The following AP2B1 variants were observed in gnomAD, a reference collection of about 807,000 sequenced individuals.
AP2B1 encodes the protein adaptor related protein complex 2 subunit beta 1.
AP2B1 carries 23 observed loss-of-function variants against 102.0 expected under a neutral mutation model. The ratio of observed to expected loss-of-function variants is 0.23; its 90% CI spans 0.16 to 0.32. AP2B1 has a LOEUF of 0.32. Among genes scored for constraint, AP2B1 ranks in the 10% least tolerant of loss-of-function variants. The pLI is 1.00. For synonymous variants in AP2B1, 381 were observed against 421.2 expected, an observed-to-expected ratio of 0.90 and a Z score of 1.17; for missense variants, 541 against 1,157.4, an observed-to-expected ratio of 0.47 and a Z score of 7.73.
intron 21 of AP2B1, among the ~76,000 whole-genome samples, chr17:35,721,635 T>C (rs1170688005): frequency 6.6e-6 from 1 of 152,172 alleles, no homozygotes; most frequent in Non-Finnish European, 1.5e-5. Flanking sequence ...AGTCCATGAC[T>C]TCCCACCAAT....
At chr17:35,692,561 A>G (rs587751642) in intron 18 of AP2B1, among the ~76,000 whole-genome samples, 1 of 152,328 alleles carries the variant, frequency 6.6e-6, no homozygotes, top group South Asian at 2.1e-4. Context: ...GAACTCACTC[A>G]GTTTTTTCCT....
intron 18 of AP2B1, among the ~76,000 whole-genome samples, chr17:35,700,151 T>C (rs767218257): frequency 6.6e-6 from 1 of 151,906 alleles, no homozygotes; most frequent in Middle Eastern, 3.4e-3. Context: ...CCTTTTGGCG[T>C]TGATTAGAAA....
intron 13 of AP2B1, among the ~76,000 whole-genome samples, chr17:35,654,046 T>G (rs1009021093): frequency 2.6e-5 from 4 of 152,154 alleles, no homozygotes; most frequent in Non-Finnish European, 5.9e-5. Context: ...GTTTTTTAAT[T>G]AAATTTTTAC....
chr17:35,702,717 A>C (rs16971438), intron 18 of AP2B1, among the ~76,000 whole-genome samples: 3 of 152,144 alleles, frequency 2.0e-5, no homozygotes, highest in African/African-American at 7.2e-5. Flanking sequence ...GAGACTGTTA[A>C]AGGCTTTGCA....
intron 6 of AP2B1, among the ~76,000 whole-genome samples, chr17:35,624,863 G>T (rs1052584153): frequency 6.6e-6 from 1 of 152,060 alleles, no homozygotes; most frequent in African/African-American, 2.4e-5. Flanking sequence ...TGGCCATTTG[G>T]CCAGCAAAGA....
chr17:35,677,161 T>G (rs2075720532), intron 17 of AP2B1, among the ~76,000 whole-genome samples: 1 of 152,110 alleles, frequency 6.6e-6, no homozygotes, highest in African/African-American at 2.4e-5. Context: ...AGCTAATTTT[T>G]TTATTTGTTG....
At chr17:35,621,472 C>G in intron 5 of AP2B1, 1 of 433,896 alleles carries the variant, frequency 2.3e-6, no homozygotes, top group Non-Finnish European at 3.1e-6. Context: ...TTTAGAGAAA[C>G]ATTAGAGTTT....
intron 3 of AP2B1, among the ~76,000 whole-genome samples, chr17:35,598,668 G>A (rs180953629): frequency 6.6e-6 from 1 of 152,316 alleles, no homozygotes; most frequent in East Asian, 1.9e-4. Flanking sequence ...AATACACTGA[G>A]AAGCATAAGT....
At chr17:35,713,036 CAGAGAAG>C (rs1386217845) in intron 20 of AP2B1, among the ~76,000 whole-genome samples, 2 of 152,170 alleles carry the variant, frequency 1.3e-5, no homozygotes, top group Admixed American at 1.3e-4. Flanking sequence ...GTCAAAATAA[CAGAGAAG>C]AAAAAATCCT....
chr17:35,704,072 C>T (rs1363760122), intron 18 of AP2B1, among the ~76,000 whole-genome samples: 1 of 152,068 alleles, frequency 6.6e-6, no homozygotes, highest in Non-Finnish European at 1.5e-5. Flanking sequence ...TTCCTGTCTC[C>T]CTCCAACAAC....
intron 5 of AP2B1, among the ~76,000 whole-genome samples, chr17:35,611,821 C>G (rs938304416): frequency 6.6e-6 from 1 of 152,084 alleles, no homozygotes; most frequent in Non-Finnish European, 1.5e-5. Flanking sequence ...TTCCCCATCC[C>G]CTAGCTATAT....
intron 9 of AP2B1, among the ~76,000 whole-genome samples, chr17:35,633,742 C>A (rs965490132): frequency 1.8e-4 from 27 of 152,146 alleles, no homozygotes; most frequent in Admixed American, 1.8e-3. Flanking sequence ...TGTCACATTA[C>A]CATGCCCAGC....
intron 18 of AP2B1, among the ~76,000 whole-genome samples, chr17:35,683,320 TATTC>T (rs1216519383): frequency 1.3e-5 from 2 of 152,272 alleles, no homozygotes; most frequent in African/African-American, 4.8e-5. Flanking sequence ...ATGACATAGA[TATTC>T]ATTCTTTTAC....
chr17:35,666,197 C>A (rs2075461475), intron 14 of AP2B1, among the ~76,000 whole-genome samples: 1 of 152,120 alleles, frequency 6.6e-6, no homozygotes, highest in Admixed American at 6.5e-5. Flanking sequence ...ATGCCGAAAT[C>A]CCTTTAGCCC....
intron 13 of AP2B1, among the ~76,000 whole-genome samples, chr17:35,656,809 T>C (rs570001342): frequency 2.6e-4 from 38 of 144,936 alleles, no homozygotes; most frequent in Non-Finnish European, 4.5e-4. Flanking sequence ...GGCGTGAACC[T>C]GGGAGGCGGA....
In AP2B1 at chr17:35,620,773, G is replaced by A. The variant is rs191733566; in HGVS notation, c.526-3624G>A. ...TTGAGATTACAGTGAGCTGTGATCA[G>A]TGCGACTGCATTCCAGCCTGGGCAA... On this transcript the variant is annotated intron_variant, in intron 5 of 21. Transcript: ENST00000610402. Among the ~76,000 whole-genome samples the A allele has an allele frequency of 4.0e-3, 605 of 152,248 alleles. 5 individuals are homozygous for A. Among genetic ancestry groups the A allele is most frequent in the African/African-American group, 0.013 (556 of 41,550 alleles).
chr17:35,690,190 A>G (rs2076013711), intron 18 of AP2B1, among the ~76,000 whole-genome samples: 2 of 152,238 alleles, frequency 1.3e-5, no homozygotes, highest in South Asian at 4.1e-4. Context: ...GTCTTCATGT[A>G]CACTGCTTCT....
chr17:35,661,347 C>A (rs1398355661), intron 14 of AP2B1, among the ~76,000 whole-genome samples: 1 of 152,140 alleles, frequency 6.6e-6, no homozygotes, highest in African/African-American at 2.4e-5. Flanking sequence ...TTATTTTAAT[C>A]TTGCAGCCAG....
At chr17:35,633,098 C>A (rs1238976278) in intron 9 of AP2B1, among the ~76,000 whole-genome samples, 1 of 152,072 alleles carries the variant, frequency 6.6e-6, no homozygotes, top group African/African-American at 2.4e-5. Context: ...CGCGGTGGCT[C>A]ATGCCTCTAA....
Sources: allele counts gnomAD v4.1 joint callset (sites outside exome capture counted in the v4.1 genomes callset), GRCh38; gene constraint gnomAD v4.1.1; transcripts MANE v1.5; gene names NCBI Gene and HGNC (gene_info 2026-07-23, HGNC 2026-07-21).